Variants in CNTNAP5 observed in about 807,000 individuals in gnomAD.
CNTNAP5 encodes contactin associated protein family member 5.
In CNTNAP5, 72 loss-of-function variants were observed where a neutral mutation model predicts 150.2. The ratio of observed to expected loss-of-function variants is 0.48; its 90% CI spans 0.40 to 0.58. The LOEUF (loss-of-function observed/expected upper bound fraction) is 0.58. CNTNAP5 is among the 20% of genes least tolerant of loss of function. The pLI, the probability that CNTNAP5 is intolerant of heterozygous loss-of-function variation, is 0.00. For synonymous variants in CNTNAP5, 672 were observed against 619.8 expected (o/e 1.08, Z -1.25); for missense variants, 1,636 against 1,626.2 (o/e 1.01, Z -0.10).
chr2:124,729,134 G>A (rs955821879), intron 13 of CNTNAP5, among the ~76,000 whole-genome samples: 1 of 151,996 alleles, frequency 6.6e-6, no homozygotes, highest in African/African-American at 2.4e-5. Flanking sequence ...TGATCTACTG[G>A]CTGCAGGAGT....
At chr2:124,588,147 C>CCTT (rs1558965950) in intron 11 of CNTNAP5, among the ~76,000 whole-genome samples, 36 of 111,856 alleles carry the variant, frequency 3.2e-4, no homozygotes, top group African/African-American at 1.2e-3. Context: ...TCCTTCCTTC[C>CCTT]TTCCTTCCTT....
intron 22 of CNTNAP5, among the ~76,000 whole-genome samples, chr2:124,904,834 A>G (rs1431290014): frequency 1.3e-5 from 2 of 151,958 alleles, no homozygotes; most frequent in African/African-American, 2.4e-5. Context: ...ATATATGTTT[A>G]CATGACACCA....
chr2:124,223,750 G>T (rs897688388), intron 2 of CNTNAP5, among the ~76,000 whole-genome samples: 1 of 151,316 alleles, frequency 6.6e-6, no homozygotes, highest in Non-Finnish European at 1.5e-5. Context: ...ATAATTTTTC[G>T]GCTCACCGGG....
chr2:124,591,961 A>G (rs75189040), intron 11 of CNTNAP5, among the ~76,000 whole-genome samples: 4,725 of 152,258 alleles, frequency 0.031, 73 homozygotes, highest in Middle Eastern at 0.051. Context: ...CATTTATTAG[A>G]TAAACATTAG....
At chr2:124,433,449 G>A (rs548810440) in intron 4 of CNTNAP5, among the ~76,000 whole-genome samples, 9 of 152,066 alleles carry the variant, frequency 5.9e-5, no homozygotes, top group Admixed American at 2.6e-4. Flanking sequence ...AGTGTTTCTA[G>A]ATCCTTGGAA....
chr2:124,452,337 C>G (rs1181710004), intron 6 of CNTNAP5, among the ~76,000 whole-genome samples: 1 of 152,098 alleles, frequency 6.6e-6, no homozygotes, highest in Non-Finnish European at 1.5e-5. Context: ...AGGAACATAA[C>G]TTCATTGACC....
Position 124,915,933 on chromosome 2 carries a change from G to T in CNTNAP5, c.*1645G>T, listed in dbSNP as rs1678759639. On this transcript the variant is annotated 3_prime_UTR_variant, in exon 24 of 24. Coordinates refer to ENST00000682447, the MANE Select transcript of CNTNAP5 (RefSeq NM_001367498.1). ...AATACTTGCTGATTCTCTTTATGAG[G>T]CAGATTCAATTTAGAAAACAATGAC... is the stretch of plus-strand genomic sequence containing the variant. Among the ~76,000 whole-genome samples the T allele has an allele frequency of 6.6e-6, 1 of 152,020 alleles. No homozygotes were observed. The highest frequency in any genetic ancestry group is 1.5e-5 in the Non-Finnish European group (1 of 67,970).
chr2:124,398,653 T>C (rs796642), intron 3 of CNTNAP5, among the ~76,000 whole-genome samples: 108,150 of 151,992 alleles, frequency 0.71, 39,507 homozygotes, highest in East Asian at 0.89. Context: ...TGTGCCACCA[T>C]GCCTGGCTAG....
chr2:124,617,281 A>G (rs992263190), intron 12 of CNTNAP5, among the ~76,000 whole-genome samples: 1 of 152,100 alleles, frequency 6.6e-6, no homozygotes, highest in African/African-American at 2.4e-5. Context: ...CTTGAACCAG[A>G]GACTGGGTGA....
At chr2:124,523,125 C>G (rs924626962) in intron 8 of CNTNAP5, among the ~76,000 whole-genome samples, 1 of 152,104 alleles carries the variant, frequency 6.6e-6, no homozygotes, top group Non-Finnish European at 1.5e-5. Flanking sequence ...TGACAAAGAC[C>G]ATCTCGTATT....
At chr2:124,028,168 T>C (rs573773405) in intron 1 of CNTNAP5, among the ~76,000 whole-genome samples, 41 of 152,174 alleles carry the variant, frequency 2.7e-4, no homozygotes, top group Non-Finnish European at 2.4e-4. Context: ...GCCTTGAAAA[T>C]GGATTTACTA....
chr2:124,420,163 G>T (rs115746188), intron 4 of CNTNAP5, among the ~76,000 whole-genome samples: 39 of 151,020 alleles, frequency 2.6e-4, no homozygotes, highest in African/African-American at 9.0e-4. Flanking sequence ...GCTAATTTTC[G>T]TATCTTTAGT....
At chr2:124,472,064 A>G (rs1303627301) in intron 6 of CNTNAP5, among the ~76,000 whole-genome samples, 3 of 152,110 alleles carry the variant, frequency 2.0e-5, no homozygotes, top group African/African-American at 7.2e-5. Context: ...AGACAAATTT[A>G]GACTTGATCT....
rs144132847 is a variant in CNTNAP5, at chr2:124,064,697, A to G, written c.82+38965A>G. Among the ~76,000 whole-genome samples, 445 of 152,174 alleles carry G rather than the reference A, an allele frequency of 2.9e-3. 2 individuals carry two copies. Among genetic ancestry groups the G allele is most frequent in the African/African-American group, 0.01 (425 of 41,522 alleles). On this transcript the variant is annotated intron_variant, in intron 1 of 23. Coordinates refer to ENST00000682447, the MANE Select transcript of CNTNAP5 (RefSeq NM_001367498.1). ...TGTATCAATAATGTCTACCTCTCCC[A>G]TGTCATTATTCAGTGTTCCACCACC...
chr2:124,435,252 C>G (rs923134003), intron 5 of CNTNAP5, among the ~76,000 whole-genome samples: 24 of 152,090 alleles, frequency 1.6e-4, no homozygotes, highest in African/African-American at 5.6e-4. Context: ...ACAGAATGCC[C>G]TCCTGACTCC....
chr2:124,444,534 G>A (rs1692762962), intron 5 of CNTNAP5, among the ~76,000 whole-genome samples: 1 of 152,130 alleles, frequency 6.6e-6, no homozygotes, highest in Non-Finnish European at 1.5e-5. Context: ...GGCAGGGGTT[G>A]CAGTGAGCCC....
intron 1 of CNTNAP5, among the ~76,000 whole-genome samples, chr2:124,169,630 T>C (rs1472881970): frequency 1.3e-5 from 2 of 152,172 alleles, no homozygotes; most frequent in African/African-American, 2.4e-5. Context: ...ATTTCTAAGA[T>C]TGAAGAACCC....
chr2:124,175,377 ACT>A (rs1342033199), intron 1 of CNTNAP5, among the ~76,000 whole-genome samples: 1 of 152,066 alleles, frequency 6.6e-6, no homozygotes, highest in Non-Finnish European at 1.5e-5. Context: ...TGGCTTTTAT[ACT>A]CTTTTATTCC....
chr2:124,507,624 A>C (rs559791600), intron 8 of CNTNAP5, among the ~76,000 whole-genome samples: 13 of 152,246 alleles, frequency 8.5e-5, no homozygotes, highest in Admixed American at 2.0e-4. Context: ...AATAAATGAC[A>C]AATGTTTTTT....
Sources: gnomAD v4.1 joint callset for allele counts (sites outside exome capture counted in the v4.1 genomes callset) on GRCh38, gnomAD v4.1.1 for gene constraint, MANE v1.5 for transcripts, NCBI Gene and HGNC (gene_info 2026-07-23, HGNC 2026-07-21) for gene names.